FANK1: variants seen among roughly 807,000 people sequenced by gnomAD.
FANK1 encodes the protein fibronectin type III and ankyrin repeat domains 1.
Under a neutral mutation model 45.3 loss-of-function variants are expected in FANK1, and 44 were observed. The observed-to-expected ratio is 0.97, with a 90% CI of 0.76 to 1.25. The LOEUF is 1.25. Ranked by LOEUF, FANK1 falls within the 50% of genes most tolerant of loss-of-function variation. The pLI, the probability that FANK1 is intolerant of heterozygous loss-of-function variation, is 0.00. For synonymous variants in FANK1, 149 were observed against 152.5 expected (o/e 0.98, Z 0.17); for missense variants, 391 against 424.4 (o/e 0.92, Z 0.69).
Position 125,907,426 on chromosome 10 carries a change from T to G in FANK1, c.13+10771T>G, listed in dbSNP as rs754894247. On this transcript the variant is annotated intron_variant, in intron 1 of 10. Transcript: ENST00000368693. ...TTCCCATGATCTCAATGTCCTGGTGTTGTACTCTGTATGATCTCTTCCTTT... is the reference window on the plus strand; with the variant it reads ...TTCCCATGATCTCAATGTCCTGGTGGTGTACTCTGTATGATCTCTTCCTTT... The G allele has an allele frequency of 1.9e-5, 17 of 905,238 alleles. No individual in the cohort carries two copies. In the East Asian group the frequency reaches 1.1e-3, roughly 57 times the overall value. 56.1% of individuals were successfully genotyped at this position (905,238 alleles called of 1,614,324 possible). A position where few individuals can be genotyped will look rare whatever the true frequency, so the allele number is the denominator to read the frequency against.
At chr10:125,998,434 G>A (rs553452926) in intron 6 of FANK1, among the ~76,000 whole-genome samples, 11 of 152,166 alleles carry the variant, frequency 7.2e-5, no homozygotes, top group South Asian at 2.1e-4. Context: ...CATAGGTTGA[G>A]ACTAAGCCAT....
chr10:125,897,181 C>G (rs1355108971), intron 1 of FANK1, among the ~76,000 whole-genome samples: 1 of 144,488 alleles, frequency 6.9e-6, no homozygotes, highest in Non-Finnish European at 1.5e-5. Context: ...AGAGCTTTGT[C>G]CAAGTGTATT....
Position 125,970,686 on chromosome 10 carries a change from C to T in FANK1, c.14-9475C>T, listed in dbSNP as rs58459950. Among the ~76,000 whole-genome samples, 1,341 of 152,282 alleles carry T rather than the reference C, an allele frequency of 8.8e-3. 16 individuals carry two copies. The highest frequency in any genetic ancestry group is 0.029 in the African/African-American group (1,202 of 41,562). ...AAAACCAGTCAGGCGTGACAGCGCG[C>T]GCCTGCAATCCCAGGCACTCGGCAG... On this transcript the variant is annotated intron_variant, in intron 1 of 10. Coordinates refer to ENST00000368693, the MANE Select transcript of FANK1 (RefSeq NM_145235.5).
At chr10:125,967,995 A>T (rs559837555) in intron 1 of FANK1, among the ~76,000 whole-genome samples, 1 of 152,208 alleles carries the variant, frequency 6.6e-6, no homozygotes, top group Admixed American at 6.5e-5. Flanking sequence ...TCACAGTCTT[A>T]AACAACACTG....
At chr10:125,959,837 A>G (rs1423802031) in intron 1 of FANK1, among the ~76,000 whole-genome samples, 1 of 152,246 alleles carries the variant, frequency 6.6e-6, no homozygotes, top group African/African-American at 2.4e-5. Context: ...AACATCCAGT[A>G]AATAAAACAT....
At chr10:125,931,581 T>G (rs1028066307) in intron 1 of FANK1, among the ~76,000 whole-genome samples, 1 of 152,058 alleles carries the variant, frequency 6.6e-6, no homozygotes, top group Non-Finnish European at 1.5e-5. Context: ...TCTTACTGAT[T>G]TGAGTTTGTT....
At chr10:125,913,430 C>T (rs578160992) in intron 1 of FANK1, among the ~76,000 whole-genome samples, 175 of 152,264 alleles carry the variant, frequency 1.1e-3, no homozygotes, top group African/African-American at 3.8e-3. Context: ...AGACAGCTGT[C>T]GTGAGTCCTG....
At chr10:125,999,953 C>T (rs1952636169) in intron 6 of FANK1, among the ~76,000 whole-genome samples, 1 of 152,024 alleles carries the variant, frequency 6.6e-6, no homozygotes, top group South Asian at 2.1e-4. Flanking sequence ...AAAACTTAGA[C>T]TTAATAAGGA....
chr10:125,903,078 G>C (rs772456807), intron 1 of FANK1, among the ~76,000 whole-genome samples: 2,035 of 151,688 alleles, frequency 0.013, no homozygotes, highest in Admixed American at 0.032. Flanking sequence ...AACGACTTGA[G>C]GCTTGAAGCC....
intron 1 of FANK1, among the ~76,000 whole-genome samples, chr10:125,978,063 C>T (rs1950962690): frequency 6.6e-6 from 1 of 151,848 alleles, no homozygotes; most frequent in African/African-American, 2.4e-5. Context: ...GACAAGTCTG[C>T]CCACTTTTCC....
chr10:125,901,006 C>T (rs1416385292), intron 1 of FANK1, among the ~76,000 whole-genome samples: 2 of 151,958 alleles, frequency 1.3e-5, no homozygotes, highest in East Asian at 3.9e-4. Context: ...CAGGGTCTTG[C>T]TGTGTGGCCC....
intron 4 of FANK1, 152 bp downstream of exon 4, chr10:125,995,650 C>T (rs1436895226): frequency 1.5e-6 from 1 of 652,718 alleles, no homozygotes; most frequent in Admixed American, 2.5e-5. Context: ...AGTTAATAAA[C>T]CACAGTTAAT....
intron 1 of FANK1, among the ~76,000 whole-genome samples, chr10:125,909,356 A>G (rs1945802212): frequency 6.6e-6 from 1 of 152,142 alleles, no homozygotes. Flanking sequence ...TACTGTTTTC[A>G]AAGAAACAGC....
intron 1 of FANK1, among the ~76,000 whole-genome samples, chr10:125,918,585 A>ATATAT (rs1447823480): frequency 1.4e-5 from 1 of 70,974 alleles, no homozygotes; most frequent in African/African-American, 7.9e-5. Flanking sequence ...AAAAAAAAAA[A>ATATAT]ATATATATAT....
Position 125,905,077 on chromosome 10 carries a change from G to A in FANK1, c.13+8422G>A, listed in dbSNP as rs186656884. Reference sequence around the variant, plus strand: ...ACCCGGGAGGCGGACCTTGCAGTGAGCTGAAACTGCGCCACTGCACTCCAG... The same window carrying A: ...ACCCGGGAGGCGGACCTTGCAGTGAACTGAAACTGCGCCACTGCACTCCAG... On this transcript the variant is annotated intron_variant, in intron 1 of 10. Coordinates refer to ENST00000368693, the MANE Select transcript of FANK1 (RefSeq NM_145235.5). Among the ~76,000 whole-genome samples, 1,029 of 144,592 alleles carry A rather than the reference G, an allele frequency of 7.1e-3. 10 individuals are homozygous for A. The highest frequency in any genetic ancestry group is 0.025 in the African/African-American group (965 of 38,844). 94.9% of individuals were successfully genotyped at this position (144,592 alleles called of 152,430 possible).
At chr10:125,954,769 A>G (rs1215907090) in intron 1 of FANK1, among the ~76,000 whole-genome samples, 6 of 152,088 alleles carry the variant, frequency 3.9e-5, no homozygotes, top group African/African-American at 1.4e-4. Context: ...AAAATATAAA[A>G]ATTAGCCGGG....
At chr10:125,997,527 GAAT>G in intron 6 of FANK1, 42 bp downstream of exon 6, 2 of 1,578,116 alleles carry the variant, frequency 1.3e-6, no homozygotes, top group Non-Finnish European at 1.7e-6. Flanking sequence ...GATGTTCTCA[GAAT>G]TGTGTTGCTA....
chr10:126,000,201 A>G (rs1305218187), intron 6 of FANK1, among the ~76,000 whole-genome samples: 1 of 152,240 alleles, frequency 6.6e-6, no homozygotes, highest in African/African-American at 2.4e-5. Flanking sequence ...CAAATACTGC[A>G]TTGAGGTTCA....
In FANK1 at chr10:125,969,350, A is replaced by G. The variant is rs563755292; in HGVS notation, c.14-10811A>G. Among the ~76,000 whole-genome samples the G allele has an allele frequency of 5.6e-5, 8 of 142,046 alleles. No homozygotes were observed. The South Asian group carries it at 1.8e-3, about 32-fold the overall frequency. 93.2% of individuals were successfully genotyped at this position (142,046 alleles called of 152,430 possible). On this transcript the variant is annotated intron_variant, in intron 1 of 10. Coordinates refer to ENST00000368693, the MANE Select transcript of FANK1 (RefSeq NM_145235.5). ...AATTTGGATGCTGGTTATCAGACTT[A>G]AAAAAAAAAAAAAGTACCTTTTGAA...
Sources: gnomAD v4.1 joint callset for allele counts (sites outside exome capture counted in the v4.1 genomes callset) on GRCh38, gnomAD v4.1.1 for gene constraint, MANE v1.5 for transcripts, NCBI Gene and HGNC (gene_info 2026-07-23, HGNC 2026-07-21) for gene names.